The following JAK3 variants were observed in gnomAD, a reference collection of about 807,000 sequenced individuals.
JAK3 encodes Janus kinase 3.
In JAK3, 88 loss-of-function variants were observed where a neutral mutation model predicts 120.8. The ratio of observed to expected loss-of-function variants is 0.73; its 90% CI spans 0.61 to 0.87. The LOEUF (loss-of-function observed/expected upper bound fraction) is 0.87. JAK3 is among the 40% of genes least tolerant of loss of function. The probability of loss-of-function intolerance (pLI) is 0.00; values close to 1 mark genes in which losing one functional copy is unlikely to be tolerated. For missense variants in JAK3, 1,254 were observed against 1,501.4 expected (o/e 0.84, Z 2.72); for synonymous variants, 592 against 628.6 (o/e 0.94, Z 0.87).
rs1045196534 is a variant in JAK3, at chr19:17,839,693, C to A, written c.1255-30G>T. 7 of 1,539,112 alleles carry A rather than the reference C, an allele frequency of 4.5e-6. No homozygotes were observed. In the Admixed American group the frequency reaches 1.2e-4, roughly 27 times the overall value. ...AAAGAAGAGTGGCCCCTGAGTGGGA[C>A]TGAGCGACAGACACTCTCCTTCTCA... On this transcript the variant is annotated intron_variant, in intron 9 of 23. Transcript: ENST00000458235.
At position 17,842,241 on chromosome 19, in the gene JAK3, C is replaced by T. The variant is rs903290667; in HGVS notation, c.861+75G>A. The stretch of plus-strand genomic sequence containing the variant: ...CTTTCGTTTTGGCTCCGCCCCACAT[C>T]CCCTACCACTCTCCGGCCCCTCCCC... On this transcript the variant is annotated intron_variant, in intron 6 of 23. Transcript: ENST00000458235. The surrounding 1 kb of genome is among the most constrained non-coding windows in gnomAD (Gnocchi z 6.4). 1 of 1,399,394 alleles carries T rather than the reference C, an allele frequency of 7.1e-7. No homozygotes were observed. Among genetic ancestry groups the T allele is most frequent in the Non-Finnish European group, 9.4e-7 (1 of 1,063,286 alleles). 86.7% of individuals were successfully genotyped at this position (1,399,394 alleles called of 1,614,324 possible). A position where few individuals can be genotyped will look rare whatever the true frequency, so the allele number is the denominator to read the frequency against.
At chr19:17,839,694 T>C in intron 9 of JAK3, 31 bp from the exon 10 acceptor site, 4 of 1,560,746 alleles carry the variant, frequency 2.6e-6, no homozygotes, top group South Asian at 2.3e-5. Flanking sequence ...TGAGTGGGAC[T>C]GAGCGACAGA....
rs1202336202 is a variant in JAK3, at chr19:17,826,349, C to T, written c.*394G>A. ...GCACTGAGCCGAGATCGCACCACTG[C>T]ACTCCACCCTGGGTAACAGAGCGAG... On this transcript the variant is annotated 3_prime_UTR_variant, in exon 24 of 24. Coordinates refer to ENST00000458235, the MANE Select transcript of JAK3 (RefSeq NM_000215.4). 1.2e-5 allele frequency: 3 copies of T among 243,580 alleles called. No individual in the cohort carries two copies. The highest frequency in any genetic ancestry group is 7.6e-5 in the South Asian group (1 of 13,120). 15.1% of individuals were successfully genotyped at this position (243,580 alleles called of 1,614,324 possible). A position where few individuals can be genotyped will look rare whatever the true frequency, so the allele number is the denominator to read the frequency against.
At chr19:17,840,964 AAC>A (rs2094237037) in intron 8 of JAK3, among the ~76,000 whole-genome samples, 2 of 150,932 alleles carry the variant, frequency 1.3e-5, no homozygotes, top group African/African-American at 4.9e-5. Flanking sequence ...ACTACAGGTC[AAC>A]CACCACACCC....
Position 17,841,787 on chromosome 19 carries a change from G to C in JAK3, c.862-25C>G. On this transcript the variant is annotated intron_variant, in intron 6 of 23. Coordinates refer to ENST00000458235, the MANE Select transcript of JAK3 (RefSeq NM_000215.4). The surrounding 1 kb of genome is among the most constrained non-coding windows in gnomAD (Gnocchi z 4.1). Reference sequence around the variant, plus strand: ...CCTGGGAAGGAGGGGGAGTACCGAAGTGGGGGCCCAGCTGGACCCCGCCAA... The same window carrying C: ...CCTGGGAAGGAGGGGGAGTACCGAACTGGGGGCCCAGCTGGACCCCGCCAA... 1 of 1,600,392 alleles carries C rather than the reference G, an allele frequency of 6.2e-7. No individual in the cohort carries two copies. Among genetic ancestry groups the C allele is most frequent in the South Asian group, 1.1e-5 (1 of 91,076 alleles).
rs1401971738 is a variant in JAK3 at position 17,832,078 on chromosome 19, A to G, written c.2681-280T>C. Among the ~76,000 whole-genome samples the G allele has an allele frequency of 6.6e-6, 1 of 152,182 alleles. No homozygotes were observed. The highest frequency in any genetic ancestry group is 1.5e-5 in the Non-Finnish European group (1 of 68,030). On this transcript the variant is annotated intron_variant, in intron 19 of 23. Transcript: ENST00000458235. The surrounding 1 kb of genome is among the most constrained non-coding windows in gnomAD (Gnocchi z 4.7). ...GGAGTTCAAGACCAGCCTGGCCAAC[A>G]TGGTGAAAACCCATCTCCACTAAAA...
intron 2 of JAK3, 93 bp downstream of exon 2, chr19:17,844,141 G>A: frequency 2.2e-6 from 3 of 1,371,888 alleles, no homozygotes; most frequent in East Asian, 5.0e-5. Context: ...CAGCTCCGAT[G>A]CTGACTTCTG....
In JAK3 at chr19:17,826,445, G is replaced by A; in HGVS notation, c.*298C>T. 2.4e-6 allele frequency: 1 copy of A among 409,964 alleles called. No homozygotes were observed. The highest frequency in any genetic ancestry group is 4.2e-5 in the South Asian group (1 of 24,092). The allele number at this position is 409,964 out of a possible 1,614,324, so 25.4% of individuals were successfully genotyped here. On this transcript the variant is annotated 3_prime_UTR_variant, in exon 24 of 24. Coordinates refer to ENST00000458235, the MANE Select transcript of JAK3 (RefSeq NM_000215.4). ...AGAGACAGAAAAGGAAACTCAGGGG[G>A]CCAGGGCTTAAGGGGTTGGGAAGAT...
In JAK3 at chr19:17,834,592, G is replaced by A. The variant is rs2094220428; in HGVS notation, c.2329C>T (p.Leu777Phe). ...GCACCTGAAGAGATGAGGCTATTGA[G>A]GTCACGAATGACGGCTCGGAAGGAG... The part of the protein sequence containing the change: ...RPSFRAVIRD[L>F]NSLISSDYEL... Residue 777 changes from leucine to phenylalanine, a missense_variant, in exon 17 of 24, where the codon CTC (leucine) becomes TTC (phenylalanine). Coordinates refer to ENST00000458235, the MANE Select transcript of JAK3 (RefSeq NM_000215.4). 6.2e-7 allele frequency: 1 copy of A among 1,612,384 alleles called. No homozygotes were observed. The highest frequency in any genetic ancestry group is 1.7e-5 in the Admixed American group (1 of 59,924).
Position 17,836,066 on chromosome 19 carries a change from G to T in JAK3, c.1787-15C>A, listed in dbSNP as rs749472609. ...CACCATGGTGCCTGGTTGGCAGCAG[G>T]GAGAGGCGGGGTTGGGAGACTGAAC... is the stretch of plus-strand genomic sequence containing the variant. On this transcript the variant is annotated splice_polypyrimidine_tract_variant and intron_variant, in intron 13 of 23. Transcript: ENST00000458235. 1.9e-6 allele frequency: 3 copies of T among 1,612,922 alleles called. No homozygotes were observed. The highest frequency in any genetic ancestry group is 2.5e-6 in the Non-Finnish European group (3 of 1,179,988).
chr19:17,832,960 G>A lies in JAK3; in HGVS notation c.2351-31C>T. 1 of 1,600,152 alleles carries A rather than the reference G, an allele frequency of 6.2e-7. No homozygotes were observed. On this transcript the variant is annotated intron_variant, in intron 17 of 23. Transcript: ENST00000458235. This position sits in a 1 kb window ranked among gnomAD's most constrained non-coding sequence, Gnocchi z 4.7. ...GTGGGGGCATGGGCAGTGGTAAGCA[G>A]CGCCTCTCATCCTGGGCCCCACTCC...
At position 17,835,177 on chromosome 19, in the gene JAK3, C is replaced by G. The variant is rs150077746; in HGVS notation, c.1953G>C (p.Arg651=). ...KGLPHGNVSA[R]KVLLAREGAD... ...CCCCCTCCCGAGCCAGGAGCACCTTCCGGGCAGAGACATTGCCATGGGGCA... is the reference window on the plus strand; with the variant it reads ...CCCCCTCCCGAGCCAGGAGCACCTTGCGGGCAGAGACATTGCCATGGGGCA... Residue 651 remains arginine, a synonymous_variant, in exon 15 of 24, where the codon CGG becomes CGC. Transcript: ENST00000458235. 1.9e-6 allele frequency: 3 copies of G among 1,614,130 alleles called. No homozygotes were observed. Among genetic ancestry groups the G allele is most frequent in the Admixed American group, 1.7e-5 (1 of 59,998 alleles).
intron 14 of JAK3, among the ~76,000 whole-genome samples, chr19:17,835,688 T>C (rs994355402): frequency 5.3e-5 from 8 of 152,184 alleles, no homozygotes; most frequent in African/African-American, 1.7e-4. Context: ...CTATCTCCAA[T>C]GTTCCTTCTT....
intron 12 of JAK3, among the ~76,000 whole-genome samples, 190 bp downstream of exon 12, chr19:17,837,742 C>T (rs998926519): frequency 1.3e-5 from 2 of 151,508 alleles, no homozygotes; most frequent in Non-Finnish European, 2.9e-5. Context: ...GACGAGGTCT[C>T]GCTATGTTGC....
At position 17,842,190 on chromosome 19, in the gene JAK3, A is replaced by G. The variant is rs2094241044; in HGVS notation, c.861+126T>C. The G allele has an allele frequency of 1.0e-5, 11 of 1,049,646 alleles. No homozygotes were observed. Among genetic ancestry groups the G allele is most frequent in the African/African-American group, 1.8e-5 (1 of 56,364 alleles). 65.0% of individuals were successfully genotyped at this position (1,049,646 alleles called of 1,614,324 possible). On this transcript the variant is annotated intron_variant, in intron 6 of 23. Transcript: ENST00000458235. The surrounding 1 kb of genome is among the most constrained non-coding windows in gnomAD (Gnocchi z 6.4). ...CCTCCCTCACTAAGCCCCGCCCCTC[A>G]TTAAGCCTCGCCCACTTCCCCAAGT...
chr19:17,842,286 GC>G lies in JAK3; in HGVS notation c.861+29del. 1.3e-6 allele frequency: 2 copies of G among 1,514,576 alleles called. No individual in the cohort carries two copies. The highest frequency in any genetic ancestry group is 1.8e-6 in the Non-Finnish European group (2 of 1,135,438). 93.8% of individuals were successfully genotyped at this position (1,514,576 alleles called of 1,614,324 possible). ...CTCCCCGAGCCCCGCCCCCACGTTG[GC>G]CCCGCCCAGCGGGGGAGTCCGCCCT... is the stretch of plus-strand genomic sequence containing the variant. On this transcript the variant is annotated intron_variant, in intron 6 of 23. Coordinates refer to ENST00000458235, the MANE Select transcript of JAK3 (RefSeq NM_000215.4). The surrounding 1 kb of genome is among the most constrained non-coding windows in gnomAD (Gnocchi z 6.4).
chr19:17,842,217 T>G lies in JAK3; in HGVS notation c.861+99A>C, dbSNP rs1203929916. On this transcript the variant is annotated intron_variant, in intron 6 of 23. Transcript: ENST00000458235. The surrounding 1 kb of genome is among the most constrained non-coding windows in gnomAD (Gnocchi z 6.4). Reference sequence around the variant, plus strand: ...TAAGCCTCGCCCACTTCCCCAAGTCTTTCGTTTTGGCTCCGCCCCACATCC... The same window carrying G: ...TAAGCCTCGCCCACTTCCCCAAGTCGTTCGTTTTGGCTCCGCCCCACATCC... The G allele has an allele frequency of 1.5e-6, 2 of 1,299,670 alleles. No individual in the cohort carries two copies. Among genetic ancestry groups the G allele is most frequent in the East Asian group, 2.6e-5 (1 of 39,164 alleles). 80.5% of individuals were successfully genotyped at this position (1,299,670 alleles called of 1,614,324 possible).
At chr19:17,844,114 C>T (rs2042112735) in intron 2 of JAK3, 120 bp downstream of exon 2, 1 of 1,253,412 alleles carries the variant, frequency 8.0e-7, no homozygotes. Flanking sequence ...AAAACTCCTA[C>T]TCATCCCCCA....
Position 17,841,501 on chromosome 19 carries a change from G to T in JAK3, c.1030C>A (p.Leu344Ile), listed in dbSNP as rs1309733826. ...GTCAGCCGGAAGTAGCCGTCCACGA[G>T]CGCCACGAACGACAGAGCCTCGGGC... ...GLPEALSFVA[L>I]VDGYFRLTTD... Residue 344 changes from leucine (L) to isoleucine (I), a missense_variant, in exon 8 of 24, where the codon CTC becomes ATC. By Grantham distance (5) the Leu-to-Ile change is conservative. Coordinates refer to ENST00000458235, the MANE Select transcript of JAK3 (RefSeq NM_000215.4). This position sits in a 1 kb window ranked among gnomAD's most constrained non-coding sequence, Gnocchi z 4.1. The T allele has an allele frequency of 1.9e-6, 3 of 1,574,682 alleles. No homozygotes were observed. The Admixed American group carries it at 5.6e-5, about 30-fold the overall frequency.
Sources: gnomAD v4.1 joint callset for allele counts (sites outside exome capture counted in the v4.1 genomes callset) on GRCh38, gnomAD v4.1.1 for gene constraint, Gnocchi (gnomAD v3.1) non-coding constraint, MANE v1.5 for transcripts, NCBI Gene and HGNC (gene_info 2026-07-23, HGNC 2026-07-21) for gene names.